The following GRIN3A variants were observed in gnomAD, a reference collection of about 807,000 sequenced individuals.
GRIN3A encodes glutamate receptor ionotropic, NMDA 3A.
Under a neutral mutation model 92.4 loss-of-function variants are expected in GRIN3A, and 47 were observed. That is an observed-to-expected ratio of 0.51 (90% CI 0.40 to 0.65). The LOEUF (loss-of-function observed/expected upper bound fraction) is 0.65. Ranked by LOEUF, GRIN3A falls within the 30% of genes least tolerant of loss-of-function variation. The pLI is 0.00. For missense variants in GRIN3A, 1,324 were observed against 1,393.1 expected (o/e 0.95, Z 0.79); for synonymous variants, 527 against 540.6 (o/e 0.97, Z 0.35).
chr9:101,726,913 G>T (rs1830087809), intron 1 of GRIN3A, among the ~76,000 whole-genome samples: 1 of 151,972 alleles, frequency 6.6e-6, no homozygotes, highest in Non-Finnish European at 1.5e-5. Flanking sequence ...TTTGGGTAGA[G>T]GCTATAATAT....
Position 101,670,493 on chromosome 9 carries a change from T to G in GRIN3A, c.1919A>C (p.Gln640Pro), listed in dbSNP as rs1452299033. 2.5e-6 allele frequency: 4 copies of G among 1,613,904 alleles called. No individual in the cohort carries two copies. Among genetic ancestry groups the G allele is most frequent in the Non-Finnish European group, 3.4e-6 (4 of 1,179,966 alleles). ...GAAAGGGCTGGTGAAATCTATCACC[T>G]GGCTCCGTGCAGTATTGATGCTAAA... ...TSFSINTARS[Q>P]VIDFTSPFFS... Residue 640 changes from glutamine to proline, a missense_variant, in exon 3 of 9, where the codon CAG (glutamine) becomes CCG (proline). Coordinates refer to ENST00000361820, the MANE Select transcript of GRIN3A (RefSeq NM_133445.3).
At chr9:101,704,302 C>T (rs1384729895) in intron 1 of GRIN3A, among the ~76,000 whole-genome samples, 4 of 152,156 alleles carry the variant, frequency 2.6e-5, no homozygotes, top group Non-Finnish European at 4.4e-5. Flanking sequence ...TATACAGAGG[C>T]CCAACTCAAT....
chr9:101,661,478 A>G (rs532821171), intron 3 of GRIN3A, among the ~76,000 whole-genome samples: 1 of 151,900 alleles, frequency 6.6e-6, no homozygotes, highest in East Asian at 1.9e-4. Context: ...TTGAAAATGT[A>G]GTATGTGGTT....
intron 3 of GRIN3A, among the ~76,000 whole-genome samples, chr9:101,638,422 T>G (rs1337067444): frequency 6.6e-6 from 1 of 152,228 alleles, no homozygotes; most frequent in Non-Finnish European, 1.5e-5. Flanking sequence ...TGGAGCAATC[T>G]ATCCTTTTTA....
intron 3 of GRIN3A, among the ~76,000 whole-genome samples, chr9:101,642,895 A>C (rs758946031): frequency 9.2e-5 from 14 of 152,118 alleles, no homozygotes; most frequent in Admixed American, 3.3e-4. Flanking sequence ...TCACCCCCAG[A>C]TGGGATCACC....
chr9:101,653,471 A>G (rs967336994), intron 3 of GRIN3A, among the ~76,000 whole-genome samples: 2 of 151,916 alleles, frequency 1.3e-5, no homozygotes, highest in African/African-American at 4.8e-5. Context: ...AAGTGTGTCC[A>G]TTGTAAATTG....
chr9:101,682,958 GGC>G (rs1186487525), intron 2 of GRIN3A, among the ~76,000 whole-genome samples: 1 of 152,172 alleles, frequency 6.6e-6, no homozygotes, highest in Non-Finnish European at 1.5e-5. Context: ...CTCCAGCCTG[GGC>G]GACAGAGAAA....
chr9:101,679,456 T>TACATTTTC (rs1829440479), intron 2 of GRIN3A, among the ~76,000 whole-genome samples: 1 of 152,154 alleles, frequency 6.6e-6, no homozygotes. Context: ...GTACCTTATG[T>TACATTTTC]GAGTCCCCCC....
intron 6 of GRIN3A, among the ~76,000 whole-genome samples, chr9:101,598,975 G>A (rs1828176140): frequency 6.6e-6 from 1 of 152,174 alleles, no homozygotes; most frequent in South Asian, 2.1e-4. Flanking sequence ...AGCTCCCAGT[G>A]TGAAAACTCT....
At chr9:101,656,996 G>A (rs1829096771) in intron 3 of GRIN3A, among the ~76,000 whole-genome samples, 1 of 151,802 alleles carries the variant, frequency 6.6e-6, no homozygotes, top group African/African-American at 2.4e-5. Flanking sequence ...TGTTCTCTAT[G>A]TAAGCAAAAT....
intron 6 of GRIN3A, chr9:101,594,625 G>A (rs763809876): frequency 2.5e-6 from 4 of 1,614,168 alleles, no homozygotes; most frequent in Non-Finnish European, 3.4e-6. Flanking sequence ...TATCCATGTC[G>A]TAAATGCTGA....
At position 101,698,582 on chromosome 9, in the gene GRIN3A, G is replaced by A. The variant is rs563643891; in HGVS notation, c.700-11382C>T. 2.6e-5 allele frequency among the ~76,000 whole-genome samples: 4 copies of A among 152,250 alleles called. 1 individual carries two copies. The South Asian group carries it at 8.3e-4, about 32-fold the overall frequency. The stretch of plus-strand genomic sequence containing the variant: ...CCTAGGCTGCAGACTTGAACAGCAT[G>A]TTACTATGCTGAATACTGTAGTCAA... On this transcript the variant is annotated intron_variant, in intron 1 of 8. Transcript: ENST00000361820.
chr9:101,670,007 C>T lies in GRIN3A; in HGVS notation c.2352+53G>A, dbSNP rs766023136. 1.9e-4 allele frequency: 245 copies of T among 1,295,694 alleles called. 1 individual carries two copies. The highest frequency in any genetic ancestry group is 2.9e-4 in the Admixed American group (17 of 59,404). The allele number at this position is 1,295,694 out of a possible 1,614,324, so 80.3% of individuals were successfully genotyped here. The stretch of plus-strand genomic sequence containing the variant: ...GAGCATACTACAGCAGAAGATACAA[C>T]ATACGGAATTATAATGGACAATCAA... On this transcript the variant is annotated intron_variant, in intron 3 of 8. Coordinates refer to ENST00000361820, the MANE Select transcript of GRIN3A (RefSeq NM_133445.3).
rs760999947 is a variant in GRIN3A at position 101,573,315 on chromosome 9, A to T, written c.3207T>A (p.Asn1069Lys). Residue 1069 changes from asparagine to lysine, a missense_variant, in exon 9 of 9, where the codon AAT becomes AAA. Transcript: ENST00000361820. ...CCTGCATCACTGAGTTCCGAGATAC[A>T]TTTAGGGAGTCTGCTTTCCCATTGG... is the stretch of plus-strand genomic sequence containing the variant. ...RTTNGKADSLNVSRNSVMQEL... is the reference protein window; with the variant it reads ...RTTNGKADSLKVSRNSVMQEL... 6.2e-7 allele frequency: 1 copy of T among 1,614,020 alleles called. No individual in the cohort carries two copies. The highest frequency in any genetic ancestry group is 2.2e-5 in the East Asian group (1 of 44,864).
chr9:101,590,607 C>T (rs1828010984), intron 6 of GRIN3A, among the ~76,000 whole-genome samples: 1 of 152,044 alleles, frequency 6.6e-6, no homozygotes, highest in Non-Finnish European at 1.5e-5. Flanking sequence ...GTCTCGATCT[C>T]CTGACCTCGT....
intron 1 of GRIN3A, among the ~76,000 whole-genome samples, chr9:101,701,814 A>G (rs1342337860): frequency 6.6e-6 from 1 of 152,220 alleles, no homozygotes; most frequent in East Asian, 1.9e-4. Flanking sequence ...ATAGATGATT[A>G]GGAGTTTTTT....
intron 1 of GRIN3A, among the ~76,000 whole-genome samples, chr9:101,698,918 T>A (rs563538695): frequency 6.6e-6 from 1 of 152,172 alleles, no homozygotes; most frequent in Non-Finnish European, 1.5e-5. Flanking sequence ...TCTGCCCACG[T>A]TGGTCTCCCA....
intron 1 of GRIN3A, among the ~76,000 whole-genome samples, chr9:101,717,441 G>T (rs895994531): frequency 1.3e-5 from 2 of 152,186 alleles, no homozygotes; most frequent in African/African-American, 4.8e-5. Flanking sequence ...TTATCTGGGT[G>T]CTGCTAACAA....
At chr9:101,697,740 A>G (rs916803086) in intron 1 of GRIN3A, among the ~76,000 whole-genome samples, 6 of 152,206 alleles carry the variant, frequency 3.9e-5, no homozygotes, top group Non-Finnish European at 8.8e-5. Flanking sequence ...CACCTATATC[A>G]AACTCTTGTA....
Sources: allele counts gnomAD v4.1 joint callset (sites outside exome capture counted in the v4.1 genomes callset), GRCh38; gene constraint gnomAD v4.1.1; transcripts MANE v1.5; gene names NCBI Gene and HGNC (gene_info 2026-07-23, HGNC 2026-07-21).